GBE1: variants seen among roughly 807,000 people sequenced by gnomAD.
GBE1 encodes the protein 1,4-alpha-glucan branching enzyme 1.
A neutral mutation model predicts 88.8 loss-of-function variants in GBE1; 70 were observed. The ratio of observed to expected loss-of-function variants is 0.79; its 90% CI spans 0.65 to 0.96. The LOEUF is 0.96. Ranked by LOEUF, GBE1 falls within the 40% of genes least tolerant of loss-of-function variation. GBE1 has a pLI of 0.00. For missense variants in GBE1, 872 were observed against 871.0 expected (o/e 1.00, Z -0.01); for synonymous variants, 284 against 300.1 (o/e 0.95, Z 0.56).
chr3:81,653,682 G>A (rs1011465343), intron 3 of GBE1, among the ~76,000 whole-genome samples: 1 of 152,104 alleles, frequency 6.6e-6, no homozygotes, highest in African/African-American at 2.4e-5. Context: ...TACTATTTAA[G>A]CATATTAAAG....
chr3:81,746,115 C>T (rs1474561713), intron 1 of GBE1, among the ~76,000 whole-genome samples: 1 of 152,068 alleles, frequency 6.6e-6, no homozygotes, highest in African/African-American at 2.4e-5. Context: ...AATAAACAGA[C>T]AAAATGAATG....
At chr3:81,535,044 C>T (rs1418701884) in intron 14 of GBE1, 151 bp downstream of exon 14, 6 of 704,298 alleles carry the variant, frequency 8.5e-6, no homozygotes, top group African/African-American at 1.8e-5. Flanking sequence ...AAGATTTATC[C>T]ATCAACTATT....
chr3:81,759,733 T>C (rs1354541510), intron 1 of GBE1, among the ~76,000 whole-genome samples: 1 of 152,152 alleles, frequency 6.6e-6, no homozygotes, highest in East Asian at 1.9e-4. Flanking sequence ...GTTCCCTTCA[T>C]TAGTTTTGGC....
chr3:81,693,051 T>G (rs1240484856), intron 2 of GBE1, among the ~76,000 whole-genome samples: 1 of 152,216 alleles, frequency 6.6e-6, no homozygotes, highest in African/African-American at 2.4e-5. Flanking sequence ...CACTTTAGTC[T>G]CCTTTCTGCC....
At chr3:81,493,986 C>T (rs913023936) in intron 15 of GBE1, among the ~76,000 whole-genome samples, 2 of 152,040 alleles carry the variant, frequency 1.3e-5, no homozygotes, top group Admixed American at 1.3e-4. Context: ...TTTATAATGA[C>T]AGTTCCATCA....
intron 12 of GBE1, among the ~76,000 whole-genome samples, chr3:81,551,269 A>G (rs1369295546): frequency 2.6e-5 from 4 of 152,184 alleles, no homozygotes; most frequent in Non-Finnish European, 4.4e-5. Context: ...TAGAACTCAC[A>G]ATTTAATAGG....
intron 2 of GBE1, among the ~76,000 whole-genome samples, chr3:81,692,715 C>A (rs1705539443): frequency 6.6e-6 from 1 of 152,108 alleles, no homozygotes. Context: ...CTATTAAAGG[C>A]AAGTACTGAA....
intron 7 of GBE1, among the ~76,000 whole-genome samples, chr3:81,601,333 C>T (rs576053258): frequency 1.3e-5 from 2 of 152,098 alleles, no homozygotes; most frequent in South Asian, 4.1e-4. Context: ...TGCAGCTCAA[C>T]CTTCTGAATC....
At chr3:81,563,292 C>T (rs1365377194) in intron 12 of GBE1, among the ~76,000 whole-genome samples, 1 of 151,986 alleles carries the variant, frequency 6.6e-6, no homozygotes, top group Non-Finnish European at 1.5e-5. Context: ...ACTAATATAG[C>T]AAAATTAGAA....
At chr3:81,612,857 C>G (rs917666534) in intron 7 of GBE1, 5 of 404,430 alleles carry the variant, frequency 1.2e-5, no homozygotes, top group Non-Finnish European at 2.4e-5. Flanking sequence ...TAGGAGAGTT[C>G]ATCAAAGACA....
intron 1 of GBE1, among the ~76,000 whole-genome samples, chr3:81,747,895 G>T (rs987521286): frequency 6.6e-6 from 1 of 151,836 alleles, no homozygotes; most frequent in Non-Finnish European, 1.5e-5. Flanking sequence ...CTCTCTTTTC[G>T]GACTCAGCCC....
chr3:81,747,606 A>T (rs866325259), intron 1 of GBE1, among the ~76,000 whole-genome samples: 1 of 152,216 alleles, frequency 6.6e-6, no homozygotes, highest in African/African-American at 2.4e-5. Flanking sequence ...ACTTGCACGT[A>T]TACGCCCAGA....
intron 14 of GBE1, among the ~76,000 whole-genome samples, chr3:81,521,017 A>G (rs780895974): frequency 3.3e-5 from 5 of 151,538 alleles, no homozygotes; most frequent in Non-Finnish European, 7.4e-5. Context: ...AGAGATAGTT[A>G]AAAGCATCCT....
At chr3:81,728,925 ACT>A (rs1484938444) in intron 1 of GBE1, among the ~76,000 whole-genome samples, 2 of 149,454 alleles carry the variant, frequency 1.3e-5, no homozygotes, top group African/African-American at 4.9e-5. Flanking sequence ...TTTGCACACC[ACT>A]CTCTGACTCA....
At chr3:81,717,835 C>T (rs181997266) in intron 1 of GBE1, among the ~76,000 whole-genome samples, 1 of 151,986 alleles carries the variant, frequency 6.6e-6, no homozygotes, top group African/African-American at 2.4e-5. Flanking sequence ...ACATTTCCCA[C>T]AAAAACCAAA....
At chr3:81,490,646 A>C (rs1702424211) in intron 15 of GBE1, among the ~76,000 whole-genome samples, 183 bp from the exon 16 acceptor site, 1 of 152,026 alleles carries the variant, frequency 6.6e-6, no homozygotes, top group African/African-American at 2.4e-5. Flanking sequence ...CAACATGACT[A>C]CCATAAAGCA....
intron 7 of GBE1, among the ~76,000 whole-genome samples, chr3:81,599,342 G>A (rs1003964652): frequency 4.0e-5 from 6 of 151,846 alleles, no homozygotes; most frequent in Non-Finnish European, 5.9e-5. Flanking sequence ...GTGTGTGTAG[G>A]AATTGACAGT....
chr3:81,667,827 T>C (rs1705134800), intron 3 of GBE1, among the ~76,000 whole-genome samples: 1 of 152,212 alleles, frequency 6.6e-6, no homozygotes, highest in African/African-American at 2.4e-5. Flanking sequence ...GCTTTTCTGA[T>C]GTGCTGCTGG....
chr3:81,726,583 G>T (rs534855630), intron 1 of GBE1, among the ~76,000 whole-genome samples: 1 of 147,720 alleles, frequency 6.8e-6, no homozygotes, highest in East Asian at 2.1e-4. Flanking sequence ...TGATATTGCA[G>T]ACTTTTTTTT....
Sources: gnomAD v4.1 joint callset for allele counts (sites outside exome capture counted in the v4.1 genomes callset) on GRCh38, gnomAD v4.1.1 for gene constraint, MANE v1.5 for transcripts, NCBI Gene and HGNC (gene_info 2026-07-23, HGNC 2026-07-21) for gene names.